The following DAB1 variants were observed in gnomAD, a reference collection of about 807,000 sequenced individuals.
The protein encoded by DAB1 is DAB adaptor protein 1, also known as disabled homolog 1.
DAB1 carries 15 observed loss-of-function variants against 64.6 expected under a neutral mutation model. That is an observed-to-expected ratio of 0.23 (90% CI 0.16 to 0.36). DAB1 has a LOEUF of 0.36. Among genes scored for constraint, DAB1 ranks in the 10% least tolerant of loss-of-function variants. The probability of loss-of-function intolerance (pLI) is 1.00; values close to 1 mark genes in which losing one functional copy is unlikely to be tolerated. For synonymous variants in DAB1, 235 were observed against 251.9 expected, an observed-to-expected ratio of 0.93 and a Z score of 0.64; for missense variants, 596 against 706.7, an observed-to-expected ratio of 0.84 and a Z score of 1.78.
intron 5 of DAB1, among the ~76,000 whole-genome samples, chr1:58,005,746 A>T (rs1378317308): frequency 1.3e-5 from 2 of 152,112 alleles, no homozygotes; most frequent in South Asian, 4.1e-4. Context: ...TGGTTAATTA[A>T]TAATAATAAT....
chr1:57,650,457 A>G (rs1179150614), intron 6 of DAB1, among the ~76,000 whole-genome samples: 2 of 63,422 alleles, frequency 3.2e-5, no homozygotes, highest in Non-Finnish European at 8.1e-5. Flanking sequence ...AACACCAAAT[A>G]GAGGAATAAA....
intron 1 of DAB1, among the ~76,000 whole-genome samples, chr1:57,351,038 G>T (rs367635059): frequency 7.2e-5 from 11 of 152,174 alleles, no homozygotes; most frequent in East Asian, 3.9e-4. Flanking sequence ...ACTAGCCATG[G>T]GCTGGGCACT....
intron 9 of DAB1, among the ~76,000 whole-genome samples, chr1:57,054,392 C>T (rs1243841988): frequency 6.6e-6 from 1 of 150,410 alleles, no homozygotes; most frequent in Non-Finnish European, 1.5e-5. Flanking sequence ...CAATGGTTAA[C>T]AGGGTGCAAA....
At chr1:57,811,592 T>C (rs747955132) in intron 6 of DAB1, among the ~76,000 whole-genome samples, 1 of 152,224 alleles carries the variant, frequency 6.6e-6, no homozygotes, top group African/African-American at 2.4e-5. Flanking sequence ...TTTTTCTTTA[T>C]AGCAATGTGG....
chr1:57,079,469 T>C (rs1383561503), intron 4 of DAB1, among the ~76,000 whole-genome samples: 1 of 152,128 alleles, frequency 6.6e-6, no homozygotes, highest in African/African-American at 2.4e-5. Context: ...CCTCATCCAC[T>C]TATGCTGGCC....
intron 4 of DAB1, among the ~76,000 whole-genome samples, chr1:58,225,274 A>G (rs1570508324): frequency 6.6e-6 from 1 of 152,178 alleles, no homozygotes; most frequent in Non-Finnish European, 1.5e-5. Flanking sequence ...ACCATCTCAC[A>G]CCAGTTAGAA....
At chr1:58,358,288 T>C (rs1425718810) in intron 3 of DAB1, among the ~76,000 whole-genome samples, 1 of 151,946 alleles carries the variant, frequency 6.6e-6, no homozygotes, top group African/African-American at 2.4e-5. Context: ...AAGTGTGGAG[T>C]AGACAATTCT....
chr1:58,151,999 G>A lies in DAB1; in HGVS notation n.310-1411C>T, dbSNP rs186363318. On this transcript the variant is annotated intron_variant and non_coding_transcript_variant, in intron 4 of 20. Transcript: ENST00000485760. ...ATCCCAGGCAGAGAGAACAAGATACGAAAAAGCACAGAAATCAGGAACAAG... is the reference window on the plus strand; with the variant it reads ...ATCCCAGGCAGAGAGAACAAGATACAAAAAAGCACAGAAATCAGGAACAAG... 3.8e-4 allele frequency among the ~76,000 whole-genome samples: 58 copies of A among 152,166 alleles called. 1 individual carries two copies. The East Asian group carries it at 0.011, about 28-fold the overall frequency.
At chr1:57,194,052 C>T (rs190368004) in intron 2 of DAB1, among the ~76,000 whole-genome samples, 2 of 152,314 alleles carry the variant, frequency 1.3e-5, no homozygotes, top group Non-Finnish European at 2.9e-5. Flanking sequence ...CAATGTTTGT[C>T]CTAGCTCAAT....
chr1:57,572,336 A>G (rs558473036), intron 7 of DAB1, among the ~76,000 whole-genome samples: 28 of 152,344 alleles, frequency 1.8e-4, no homozygotes, highest in Admixed American at 7.8e-4. Flanking sequence ...TCTGCAAGAC[A>G]GGAATTATCA....
rs564233076 is a variant in DAB1 at position 57,979,407 on chromosome 1, C to T, written n.388-95245G>A. 1.1e-4 allele frequency among the ~76,000 whole-genome samples: 16 copies of T among 152,042 alleles called. No individual in the cohort carries two copies. The East Asian group carries it at 2.1e-3, about 20-fold the overall frequency. ...GGGAGGGGAACATCACAGACCAGGGCCTATGGGGGATGGGGGGCTAGGGGA... is the reference window on the plus strand; with the variant it reads ...GGGAGGGGAACATCACAGACCAGGGTCTATGGGGGATGGGGGGCTAGGGGA... On this transcript the variant is annotated intron_variant and non_coding_transcript_variant, in intron 5 of 20. Transcript: ENST00000485760.
At chr1:58,330,951 A>T (rs1183296519) in intron 4 of DAB1, among the ~76,000 whole-genome samples, 1 of 152,226 alleles carries the variant, frequency 6.6e-6, no homozygotes, top group Non-Finnish European at 1.5e-5. Flanking sequence ...TGAAGGAATG[A>T]TTTTGACTTT....
Position 58,366,832 on chromosome 1 carries a change from G to T in DAB1, n.258-23429C>A, listed in dbSNP as rs546840775. 8.5e-5 allele frequency among the ~76,000 whole-genome samples: 13 copies of T among 152,314 alleles called. 1 individual carries two copies. In the East Asian group the frequency reaches 2.5e-3, roughly 29 times the overall value. On this transcript the variant is annotated intron_variant and non_coding_transcript_variant, in intron 3 of 20. Coordinates refer to the DAB1 transcript ENST00000485760. ...TAATTCACTTGAAAAAGGCAGCACT[G>T]CACATTTATAGTTGCATCAAGGTTA... is the stretch of plus-strand genomic sequence containing the variant.
intron 9 of DAB1, among the ~76,000 whole-genome samples, chr1:57,061,370 TAC>T (rs1166199621): frequency 6.6e-6 from 1 of 152,092 alleles, no homozygotes; most frequent in African/African-American, 2.4e-5. Flanking sequence ...ACTTGGAGAA[TAC>T]AGAGTCTTAG....
intron 1 of DAB1, among the ~76,000 whole-genome samples, chr1:57,422,387 C>A (rs1007641541): frequency 6.6e-6 from 1 of 152,174 alleles, no homozygotes; most frequent in African/African-American, 2.4e-5. Flanking sequence ...GGCTCGCCCC[C>A]GTCCAGCTCC....
chr1:57,408,321 A>G (rs1329810975), intron 1 of DAB1, among the ~76,000 whole-genome samples: 1 of 152,106 alleles, frequency 6.6e-6, no homozygotes, highest in Non-Finnish European at 1.5e-5. Flanking sequence ...ACTACACCAC[A>G]TTTATCTTTT....
chr1:58,173,854 C>A (rs746748319), intron 4 of DAB1, among the ~76,000 whole-genome samples: 10 of 152,090 alleles, frequency 6.6e-5, no homozygotes, highest in South Asian at 2.1e-4. Flanking sequence ...CTATCAGTAC[C>A]CCTCAAAGCT....
intron 4 of DAB1, among the ~76,000 whole-genome samples, chr1:58,191,051 T>C (rs1326251131): frequency 6.6e-6 from 1 of 152,098 alleles, no homozygotes; most frequent in Non-Finnish European, 1.5e-5. Context: ...CCTGAGTATA[T>C]GTGAAATGTG....
intron 5 of DAB1, among the ~76,000 whole-genome samples, chr1:57,985,574 G>T (rs1233501639): frequency 6.6e-6 from 1 of 152,016 alleles, no homozygotes; most frequent in African/African-American, 2.4e-5. Context: ...TAAATAACTG[G>T]TGTAAGGAGT....
Sources: allele counts gnomAD v4.1 joint callset (sites outside exome capture counted in the v4.1 genomes callset), GRCh38; gene constraint gnomAD v4.1.1; transcripts MANE v1.5; gene names NCBI Gene and HGNC (gene_info 2026-07-23, HGNC 2026-07-21).